Variants in LDLRAD3 observed in about 807,000 individuals in gnomAD.
The protein encoded by LDLRAD3 is low density lipoprotein receptor class A domain containing 3, also known as low-density lipoprotein receptor class A domain-containing protein 3.
A neutral mutation model predicts 29.4 loss-of-function variants in LDLRAD3; 20 were observed. That is an observed-to-expected ratio of 0.68 (90% CI 0.48 to 0.99). The LOEUF is 0.99. Ranked by LOEUF, LDLRAD3 falls within the 50% of genes least tolerant of loss-of-function variation. The pLI is 0.00. For missense variants in LDLRAD3, 420 were observed against 454.3 expected (o/e 0.92, Z 0.69); for synonymous variants, 157 against 192.7 (o/e 0.81, Z 1.53).
intron 2 of LDLRAD3, 143 bp from the exon 3 acceptor site, chr11:36,081,510 G>T (rs1289059936): frequency 1.9e-6 from 2 of 1,062,608 alleles, no homozygotes; most frequent in Non-Finnish European, 1.4e-6. Flanking sequence ...GTTTGAGGTG[G>T]GTGGTGGTAA....
intron 4 of LDLRAD3, among the ~76,000 whole-genome samples, chr11:36,195,875 T>A (rs1050329983): frequency 2.0e-5 from 3 of 152,118 alleles, no homozygotes; most frequent in Admixed American, 2.0e-4. Context: ...CAGATACCTC[T>A]GGGTCTATAT....
In LDLRAD3 at chr11:36,086,016, C is replaced by T. The variant is rs183466737; in HGVS notation, c.319+4238C>T. Among the ~76,000 whole-genome samples the T allele has an allele frequency of 3.4e-3, 513 of 152,266 alleles. 6 individuals are homozygous for T. The highest frequency in any genetic ancestry group is 3.2e-3 in the Non-Finnish European group (218 of 68,030). ...GCTCACTTACTCTTTCATCTGTCAT[C>T]TCCAGTCTGCTTTCAAGCCTATATA... is the stretch of plus-strand genomic sequence containing the variant. On this transcript the variant is annotated intron_variant, in intron 3 of 5. Coordinates refer to ENST00000315571, the MANE Select transcript of LDLRAD3 (RefSeq NM_174902.4).
chr11:36,112,501 C>G (rs1853619817), intron 4 of LDLRAD3, among the ~76,000 whole-genome samples: 1 of 152,238 alleles, frequency 6.6e-6, no homozygotes. Context: ...ACCGTGCACT[C>G]ATGACCTTTG....
chr11:36,192,650 T>C (rs970854077), intron 4 of LDLRAD3, among the ~76,000 whole-genome samples: 1 of 152,200 alleles, frequency 6.6e-6, no homozygotes, highest in Non-Finnish European at 1.5e-5. Context: ...TCTCTTTTTC[T>C]CTCACACTCC....
intron 2 of LDLRAD3, among the ~76,000 whole-genome samples, chr11:36,071,642 T>A (rs1331803431): frequency 2.0e-5 from 3 of 152,172 alleles, no homozygotes; most frequent in African/African-American, 7.2e-5. Context: ...AAGGGTGCAT[T>A]TAAGTAAAAT....
At chr11:35,959,440 G>GTTTA (rs1851248022) in intron 1 of LDLRAD3, among the ~76,000 whole-genome samples, 1 of 152,136 alleles carries the variant, frequency 6.6e-6, no homozygotes, top group South Asian at 2.1e-4. Flanking sequence ...ATACTTGAAT[G>GTTTA]TTTATTAAGC....
At chr11:36,137,690 T>A (rs1854022722) in intron 4 of LDLRAD3, among the ~76,000 whole-genome samples, 2 of 152,214 alleles carry the variant, frequency 1.3e-5, no homozygotes, top group East Asian at 3.8e-4. Context: ...CAAATTCACA[T>A]GATAGATGAG....
At chr11:35,975,669 A>G (rs1851466369) in intron 1 of LDLRAD3, among the ~76,000 whole-genome samples, 1 of 152,160 alleles carries the variant, frequency 6.6e-6, no homozygotes, top group African/African-American at 2.4e-5. Context: ...AATAACAAAC[A>G]GTATAGGCAC....
chr11:36,064,682 A>G (rs1852763211), intron 2 of LDLRAD3, among the ~76,000 whole-genome samples: 1 of 152,096 alleles, frequency 6.6e-6, no homozygotes, highest in Non-Finnish European at 1.5e-5. Flanking sequence ...GTAGGCATTT[A>G]CAGCTATAAC....
chr11:36,052,342 G>A (rs1157320552), intron 2 of LDLRAD3, among the ~76,000 whole-genome samples: 1 of 152,128 alleles, frequency 6.6e-6, no homozygotes, highest in South Asian at 2.1e-4. Flanking sequence ...CAAATAGATC[G>A]CAGATGCTCT....
At chr11:36,112,296 G>A (rs1041293174) in intron 4 of LDLRAD3, among the ~76,000 whole-genome samples, 4 of 152,174 alleles carry the variant, frequency 2.6e-5, no homozygotes, top group Admixed American at 2.6e-4. Context: ...CCTATGAGCT[G>A]CTTCATTCTA....
At chr11:36,004,693 T>G (rs1256206250) in intron 1 of LDLRAD3, among the ~76,000 whole-genome samples, 1 of 152,240 alleles carries the variant, frequency 6.6e-6, no homozygotes, top group Admixed American at 6.5e-5. Context: ...ATTGCCCTAG[T>G]AGAGGTTCTG....
At chr11:36,015,306 T>TCCCCCCCCC (rs11347924) in intron 1 of LDLRAD3, among the ~76,000 whole-genome samples, 34 of 87,714 alleles carry the variant, frequency 3.9e-4, no homozygotes, top group Non-Finnish European at 5.3e-4. Context: ...GACATGCCAT[T>TCCCCCCCCC]CCCCCCCCCC....
At position 36,130,552 on chromosome 11, in the gene LDLRAD3, C is replaced by T. The variant is rs571144444; in HGVS notation, c.454+32091C>T. The stretch of plus-strand genomic sequence containing the variant: ...GACTCGCAGGGCTGGGGCAAGCTGC[C>T]GCCAGTTTTATCCACAAAGCAGCAA... On this transcript the variant is annotated intron_variant, in intron 4 of 5. Transcript: ENST00000315571. Among the ~76,000 whole-genome samples, 128 of 152,190 alleles carry T rather than the reference C, an allele frequency of 8.4e-4. No homozygotes were observed. The Middle Eastern group carries it at 0.01, about 12-fold the overall frequency.
chr11:36,118,127 A>G (rs10768181), intron 4 of LDLRAD3, among the ~76,000 whole-genome samples: 87,222 of 151,958 alleles, frequency 0.57, 27,451 homozygotes, highest in Admixed American at 0.69. Context: ...GAAACTTAAC[A>G]TCCTCCATGA....
chr11:36,172,143 TAG>T lies in LDLRAD3; in HGVS notation c.455-54941_455-54940del, dbSNP rs148691132. Among the ~76,000 whole-genome samples the T allele has an allele frequency of 8.7e-3, 1,326 of 152,296 alleles. 29 individuals are homozygous for T. The highest frequency in any genetic ancestry group is 0.03 in the African/African-American group (1,251 of 41,546). ...TCTCAGCTTGGTCGCTGTTGGTGTA[TAG>T]CAGTACTTCTGATTTGTGCACATTG... On this transcript the variant is annotated intron_variant, in intron 4 of 5. Coordinates refer to ENST00000315571, the MANE Select transcript of LDLRAD3 (RefSeq NM_174902.4).
intron 3 of LDLRAD3, among the ~76,000 whole-genome samples, chr11:36,091,153 G>A (rs1236258150): frequency 1.3e-5 from 2 of 152,232 alleles, no homozygotes; most frequent in Admixed American, 1.3e-4. Context: ...CAAGGACTGT[G>A]TGGAGGCTAT....
chr11:36,124,429 A>G (rs747043818), intron 4 of LDLRAD3, among the ~76,000 whole-genome samples: 6 of 152,160 alleles, frequency 3.9e-5, no homozygotes, highest in Non-Finnish European at 5.9e-5. Flanking sequence ...CCTGTTTTAC[A>G]TATAAGGGTA....
intron 4 of LDLRAD3, among the ~76,000 whole-genome samples, chr11:36,130,012 T>C (rs567060897): frequency 6.6e-6 from 1 of 152,278 alleles, no homozygotes; most frequent in African/African-American, 2.4e-5. Context: ...TCAGCCCCCA[T>C]AGTGGTGCCT....
Sources: gnomAD v4.1 joint callset for allele counts (sites outside exome capture counted in the v4.1 genomes callset) on GRCh38, gnomAD v4.1.1 for gene constraint, MANE v1.5 for transcripts, NCBI Gene and HGNC (gene_info 2026-07-23, HGNC 2026-07-21) for gene names.